TUSC3: variants seen among roughly 807,000 people sequenced by gnomAD.
The protein encoded by TUSC3 is tumor suppressor candidate 3, also known as dolichyl-diphosphooligosaccharide--protein glycosyltransferase subunit TUSC3.
Under a neutral mutation model 44.8 loss-of-function variants are expected in TUSC3, and 45 were observed. The observed-to-expected ratio is 1.00, with a 90% confidence interval of 0.79 to 1.29. The LOEUF (loss-of-function observed/expected upper bound fraction) is 1.29. Ranked by LOEUF, TUSC3 falls within the 50% of genes most tolerant of loss-of-function variation. The pLI is 0.00. For synonymous variants in TUSC3, 212 were observed against 152.9 expected, an observed-to-expected ratio of 1.39 and a Z score of -2.85; for missense variants, 519 against 437.9, an observed-to-expected ratio of 1.19 and a Z score of -1.65.
chr8:15,684,014 G>C (rs1306622840), intron 6 of TUSC3, among the ~76,000 whole-genome samples: 2 of 151,744 alleles, frequency 1.3e-5, no homozygotes, highest in African/African-American at 2.4e-5. Flanking sequence ...CAGTCCACCA[G>C]CTGACACTTA....
intron 7 of TUSC3, among the ~76,000 whole-genome samples, chr8:15,740,612 G>A (rs1302780238): frequency 2.0e-5 from 3 of 152,016 alleles, no homozygotes; most frequent in Non-Finnish European, 4.4e-5. Context: ...TGAGCTATTC[G>A]TACAACTCTT....
At chr8:15,617,139 T>TGTGTGTGTGTGTGTGTGTGTGTGTGTG (rs772712798) in intron 1 of TUSC3, among the ~76,000 whole-genome samples, 2 of 60,192 alleles carry the variant, frequency 3.3e-5, no homozygotes, top group African/African-American at 1.2e-4. Flanking sequence ...TGTGTATATA[T>TGTGTGTGTGTGTGTGTGTGTGTGTGTG]TTTTTTTTTT....
At position 15,465,865 on chromosome 8, in the gene TUSC3, A is replaced by G. The variant is rs538767644; in HGVS notation, n.92-17521A>G. Among the ~76,000 whole-genome samples the G allele has an allele frequency of 2.6e-5, 4 of 152,264 alleles. 1 individual carries two copies. Among genetic ancestry groups the G allele is most frequent in the South Asian group, 4.1e-4 (2 of 4,820 alleles). ...CTACTTTAGGTTCAAGGTGTCTTCA[A>G]AGTCAACAGGCATTTCCTCATTTTC... is the stretch of plus-strand genomic sequence containing the variant. On this transcript the variant is annotated intron_variant and non_coding_transcript_variant, in intron 1 of 5. Coordinates refer to the TUSC3 transcript ENST00000503191.
the TUSC3 span, among the ~76,000 whole-genome samples, chr8:15,788,709 T>C: frequency 1.3e-5 from 2 of 152,130 alleles, no homozygotes; most frequent in Non-Finnish European, 1.5e-5. Flanking sequence ...TTTTATTTCA[T>C]CAGTCTCTTA....
chr8:15,587,059 T>C (rs1025602764), intron 1 of TUSC3, among the ~76,000 whole-genome samples: 6 of 152,210 alleles, frequency 3.9e-5, no homozygotes, highest in Admixed American at 6.5e-5. Flanking sequence ...CCCTTCGACA[T>C]GCCTAACATT....
At chr8:15,796,284 T>C in the TUSC3 span, among the ~76,000 whole-genome samples, 5 of 152,158 alleles carry the variant, frequency 3.3e-5, no homozygotes, top group South Asian at 2.1e-4. Flanking sequence ...ATGTGGTGTA[T>C]CTAGGTGAGT....
At chr8:15,697,265 T>C (rs1809209202) in intron 6 of TUSC3, among the ~76,000 whole-genome samples, 1 of 152,236 alleles carries the variant, frequency 6.6e-6, no homozygotes, top group Non-Finnish European at 1.5e-5. Context: ...ATTTTGTTTT[T>C]GTTTCAATTT....
At chr8:15,536,894 G>C (rs568825596), upstream of TUSC3, among the ~76,000 whole-genome samples, 14 of 151,704 alleles carry the variant, frequency 9.2e-5, no homozygotes, top group South Asian at 4.2e-4. Flanking sequence ...GATTTTATTT[G>C]ACCCTGTATA....
At chr8:15,671,270 A>G (rs1465256870) in intron 5 of TUSC3, among the ~76,000 whole-genome samples, 2 of 152,100 alleles carry the variant, frequency 1.3e-5, no homozygotes, top group South Asian at 2.1e-4. Flanking sequence ...TGTTTTGTGA[A>G]AATTAATCTA....
intron 6 of TUSC3, among the ~76,000 whole-genome samples, chr8:15,711,739 T>A (rs1338354675): frequency 6.6e-6 from 1 of 151,798 alleles, no homozygotes; most frequent in Non-Finnish European, 1.5e-5. Flanking sequence ...ATTGTTTATA[T>A]CCATAAAGAT....
chr8:15,699,439 T>G (rs1269277710), intron 6 of TUSC3, among the ~76,000 whole-genome samples: 1 of 152,334 alleles, frequency 6.6e-6, no homozygotes, highest in Admixed American at 6.5e-5. Context: ...ACAGACTACT[T>G]GGATTTTAGT....
chr8:15,794,117 A>G, the TUSC3 span, among the ~76,000 whole-genome samples: 1 of 152,164 alleles, frequency 6.6e-6, no homozygotes, highest in Non-Finnish European at 1.5e-5. Context: ...CTTCTAAAAC[A>G]CAATACATTC....
intron 2 of TUSC3, among the ~76,000 whole-genome samples, chr8:15,487,899 A>ATTTTT (rs11307186): frequency 7.2e-6 from 1 of 138,370 alleles, no homozygotes; most frequent in African/African-American, 2.7e-5. Flanking sequence ...TGTGCTGGCA[A>ATTTTT]TTTTTTTTTT....
rs1183366361 is a variant in TUSC3, at chr8:15,628,605, G to C, written c.308+5356G>C. On this transcript the variant is annotated intron_variant, in intron 2 of 10. Coordinates refer to ENST00000503731, the MANE Select transcript of TUSC3 (RefSeq NM_006765.4). ...AAGTTAAAATCTATTGTGCAAAGCA[G>C]TATAGAGAAAGGGAAGGTGAGGAGC... 2.0e-5 allele frequency among the ~76,000 whole-genome samples: 3 copies of C among 152,170 alleles called. No individual in the cohort carries two copies. In the South Asian group the frequency reaches 6.2e-4, roughly 31 times the overall value.
the TUSC3 span, among the ~76,000 whole-genome samples, chr8:15,782,756 T>A: frequency 6.6e-6 from 1 of 152,216 alleles, no homozygotes; most frequent in Non-Finnish European, 1.5e-5. Context: ...AAAAGCCATG[T>A]ATGACAAGCC....
intron 1 of TUSC3, among the ~76,000 whole-genome samples, chr8:15,472,799 C>A (rs890420163): frequency 2.6e-5 from 4 of 152,090 alleles, no homozygotes; most frequent in Non-Finnish European, 5.9e-5. Context: ...GAAATATTTT[C>A]AAATATTTTA....
chr8:15,553,585 T>G (rs1802130860), intron 1 of TUSC3, among the ~76,000 whole-genome samples: 2 of 151,480 alleles, frequency 1.3e-5, no homozygotes, highest in Non-Finnish European at 2.9e-5. Context: ...TGTTGACCAC[T>G]GAGAGGTTAA....
intron 1 of TUSC3, among the ~76,000 whole-genome samples, chr8:15,422,660 G>C (rs924974325): frequency 1.3e-5 from 2 of 152,028 alleles, no homozygotes; most frequent in Non-Finnish European, 2.9e-5. Flanking sequence ...TTGGTTGGTT[G>C]GTTGATTTTG....
chr8:15,475,462 T>G (rs1800562158), intron 1 of TUSC3, among the ~76,000 whole-genome samples: 2 of 152,198 alleles, frequency 1.3e-5, no homozygotes, highest in Admixed American at 6.5e-5. Context: ...CATCTTTCAG[T>G]TTTCTGTTTA....
Sources: allele counts gnomAD v4.1 joint callset (sites outside exome capture counted in the v4.1 genomes callset), GRCh38; gene constraint gnomAD v4.1.1; transcripts MANE v1.5; gene names NCBI Gene and HGNC (gene_info 2026-07-23, HGNC 2026-07-21).